Variants in DLGAP2 observed in about 807,000 individuals in gnomAD.
DLGAP2 encodes the protein disks large-associated protein 2.
DLGAP2 carries 26 observed loss-of-function variants against 100.3 expected under a neutral mutation model. The observed-to-expected ratio is 0.26, with a 90% CI of 0.19 to 0.36. The LOEUF is 0.36. Ranked by LOEUF, DLGAP2 falls within the 10% of genes least tolerant of loss-of-function variation. DLGAP2 has a pLI of 1.00. For synonymous variants in DLGAP2, 886 were observed against 630.1 expected, an observed-to-expected ratio of 1.41 and a Z score of -6.08; for missense variants, 1,858 against 1,453.2, an observed-to-expected ratio of 1.28 and a Z score of -4.53.
intron 2 of DLGAP2, among the ~76,000 whole-genome samples, chr8:1,114,159 C>G (rs1805045523): frequency 6.6e-6 from 1 of 151,880 alleles, no homozygotes; most frequent in African/African-American, 2.4e-5. Flanking sequence ...CTGAAGTTTT[C>G]TTTTTTTGTT....
chr8:1,589,629 G>A (rs1479497380), intron 6 of DLGAP2, among the ~76,000 whole-genome samples: 1 of 152,096 alleles, frequency 6.6e-6, no homozygotes, highest in South Asian at 2.1e-4. Flanking sequence ...GTTATTGTTT[G>A]TAGAGATGGG....
chr8:1,320,441 G>T, intron 3 of DLGAP2, among the ~76,000 whole-genome samples: 1 of 152,070 alleles, frequency 6.6e-6, no homozygotes, highest in East Asian at 1.9e-4. Context: ...TGGGTGCGTG[G>T]AGCCCAGGGT....
intron 1 of DLGAP2, among the ~76,000 whole-genome samples, chr8:847,043 T>G (rs1797084326): frequency 6.6e-6 from 1 of 152,236 alleles, no homozygotes; most frequent in Admixed American, 6.5e-5. Context: ...GGAATAGTTT[T>G]TGTACAGTTG....
intron 6 of DLGAP2, among the ~76,000 whole-genome samples, chr8:1,567,372 C>T (rs1414981097): frequency 1.3e-5 from 2 of 152,242 alleles, no homozygotes; most frequent in African/African-American, 4.8e-5. Flanking sequence ...CAGCCTCAGT[C>T]CTGGGGTTTT....
At chr8:1,243,925 T>C (rs1798851279) in intron 2 of DLGAP2, among the ~76,000 whole-genome samples, 1 of 152,198 alleles carries the variant, frequency 6.6e-6, no homozygotes, top group Admixed American at 6.5e-5. Flanking sequence ...ACTGATCAAG[T>C]CCCTGCTGTG....
chr8:1,597,447 A>T (rs188216099), intron 6 of DLGAP2, among the ~76,000 whole-genome samples: 5 of 152,140 alleles, frequency 3.3e-5, no homozygotes, highest in Non-Finnish European at 7.4e-5. Flanking sequence ...GAATCTGTAA[A>T]TTACTTTGGG....
At chr8:849,062 T>C (rs1341927370) in intron 1 of DLGAP2, among the ~76,000 whole-genome samples, 7 of 151,954 alleles carry the variant, frequency 4.6e-5, no homozygotes, top group Admixed American at 4.6e-4. Context: ...ATGTGCCGTG[T>C]CTGTTCCAGT....
At chr8:786,960 C>T (rs1030277134) in intron 1 of DLGAP2, among the ~76,000 whole-genome samples, 4 of 152,156 alleles carry the variant, frequency 2.6e-5, no homozygotes, top group Admixed American at 1.3e-4. Flanking sequence ...CAGGTGAAGG[C>T]AGAAGGCAGG....
intron 4 of DLGAP2, among the ~76,000 whole-genome samples, chr8:1,528,077 C>T (rs940934149): frequency 1.3e-5 from 2 of 152,234 alleles, no homozygotes; most frequent in Admixed American, 6.5e-5. Context: ...CCATCAATAA[C>T]GTGGCTTCCA....
chr8:1,326,058 A>G (rs1801013937), intron 3 of DLGAP2, among the ~76,000 whole-genome samples: 1 of 152,230 alleles, frequency 6.6e-6, no homozygotes, highest in Non-Finnish European at 1.5e-5. Flanking sequence ...ATAAGCAGGA[A>G]AAATGGCCAT....
Position 1,538,885 on chromosome 8 carries a change from CTTTT to C in DLGAP2, c.173-9724_173-9721del, listed in dbSNP as rs11285812. Among the ~76,000 whole-genome samples the C allele has an allele frequency of 6.0e-3, 660 of 110,334 alleles. 8 individuals carry two copies. Among genetic ancestry groups the C allele is most frequent in the African/African-American group, 0.02 (597 of 29,162 alleles). The allele number at this position is 110,334 out of a possible 152,430, so 72.4% of individuals were successfully genotyped here. On this transcript the variant is annotated intron_variant, in intron 4 of 14. Transcript: ENST00000637795. The stretch of plus-strand genomic sequence containing the variant: ...TCGTGTCATGACAGCTGTCACTCAT[CTTTT>C]TTTTTTTTTTTTTTTTGAGACAGAG...
intron 6 of DLGAP2, among the ~76,000 whole-genome samples, chr8:1,615,340 C>T (rs1373193262): frequency 6.6e-6 from 1 of 152,176 alleles, no homozygotes; most frequent in Non-Finnish European, 1.5e-5. Context: ...AATTAGCACA[C>T]ATTGGAGGAG....
intron 2 of DLGAP2, among the ~76,000 whole-genome samples, chr8:1,045,270 G>A (rs1349988576): frequency 6.6e-6 from 1 of 152,280 alleles, no homozygotes; most frequent in Admixed American, 6.5e-5. Flanking sequence ...TAATAGTTTG[G>A]TTGTCAGCAT....
At chr8:1,206,819 G>C (rs753981696) in intron 2 of DLGAP2, among the ~76,000 whole-genome samples, 14 of 152,304 alleles carry the variant, frequency 9.2e-5, no homozygotes, top group African/African-American at 3.4e-4. Context: ...AAGGCTCCAC[G>C]GGCCCCTCTT....
chr8:916,145 C>CCA (rs1563093783), intron 2 of DLGAP2, among the ~76,000 whole-genome samples: 2 of 152,216 alleles, frequency 1.3e-5, no homozygotes, highest in African/African-American at 4.8e-5. Context: ...TGTAGACGCT[C>CCA]CGCACTCTCT....
chr8:1,596,859 T>C (rs1014215159), intron 6 of DLGAP2, among the ~76,000 whole-genome samples: 4 of 152,232 alleles, frequency 2.6e-5, no homozygotes, highest in African/African-American at 7.2e-5. Flanking sequence ...GCAGAAGTTA[T>C]TTACTTTCAT....
chr8:1,464,452 G>C (rs1310383442), intron 3 of DLGAP2, among the ~76,000 whole-genome samples: 1 of 72,992 alleles, frequency 1.4e-5, no homozygotes, highest in Non-Finnish European at 2.6e-5. Context: ...TGAGCTCCCA[G>C]GCAGTAAGTC....
At chr8:925,545 A>G (rs1260166433) in intron 2 of DLGAP2, among the ~76,000 whole-genome samples, 1 of 152,138 alleles carries the variant, frequency 6.6e-6, no homozygotes, top group Non-Finnish European at 1.5e-5. Flanking sequence ...GTGTATTAGC[A>G]CAGCTTGGAT....
chr8:1,522,911 AG>A lies in DLGAP2; in HGVS notation c.172+21483del, dbSNP rs1161021677. On this transcript the variant is annotated intron_variant, in intron 4 of 14. Coordinates refer to ENST00000637795, the MANE Select transcript of DLGAP2 (RefSeq NM_001346810.2). ...TTAGGGAGTAGCTCTACATTGCTAA[AG>A]GGATGCAGCTTTTTACCTGGGTGAC... is the stretch of plus-strand genomic sequence containing the variant. 4.6e-5 allele frequency among the ~76,000 whole-genome samples: 7 copies of A among 152,340 alleles called. 1 individual carries two copies. In the South Asian group the frequency reaches 8.3e-4, roughly 18 times the overall value.
Sources: allele counts gnomAD v4.1 joint callset (sites outside exome capture counted in the v4.1 genomes callset), GRCh38; gene constraint gnomAD v4.1.1; transcripts MANE v1.5; gene names NCBI Gene and HGNC (gene_info 2026-07-23, HGNC 2026-07-21).